PHF21B: variants seen among roughly 807,000 people sequenced by gnomAD.
PHF21B encodes PHD finger protein 4.
In PHF21B, 22 loss-of-function variants were observed where a neutral mutation model predicts 62.2. The ratio of observed to expected loss-of-function variants is 0.35; its 90% CI spans 0.25 to 0.51. PHF21B has a LOEUF of 0.51. Among genes scored for constraint, PHF21B ranks in the 20% least tolerant of loss-of-function variants. The pLI is 0.97. For synonymous variants in PHF21B, 341 were observed against 314.7 expected (o/e 1.08, Z -0.88); for missense variants, 701 against 707.9 (o/e 0.99, Z 0.11).
rs117237712 is a variant in PHF21B, at chr22:45,005,512, A to G, written c.120+3033T>C. On this transcript the variant is annotated intron_variant, in intron 2 of 12. Coordinates refer to ENST00000313237, the MANE Select transcript of PHF21B (RefSeq NM_138415.5). ...ATATCTCTATCTACCCTGACCAATA[A>G]GCTATCTACCACTATGAGTCCTTTA... 2.0e-3 allele frequency among the ~76,000 whole-genome samples: 310 copies of G among 152,324 alleles called. 1 individual carries two copies. Among genetic ancestry groups the G allele is most frequent in the Non-Finnish European group, 3.8e-3 (256 of 68,030 alleles).
intron 1 of PHF21B, 153 bp from the exon 2 acceptor site, chr22:45,008,763 C>T (rs2073373194): frequency 8.7e-7 from 1 of 1,149,066 alleles, no homozygotes; most frequent in Middle Eastern, 3.6e-4. Context: ...GCACGCGCGG[C>T]GGCCGGGCAG....
intron 2 of PHF21B, among the ~76,000 whole-genome samples, chr22:44,957,300 T>C (rs372579023): frequency 1.3e-5 from 2 of 152,182 alleles, no homozygotes; most frequent in African/African-American, 4.8e-5. Flanking sequence ...CTGGAAAAAG[T>C]TGTTTCGGTT....
intron 2 of PHF21B, among the ~76,000 whole-genome samples, chr22:44,982,897 C>G (rs1198477534): frequency 3.4e-5 from 1 of 29,330 alleles, no homozygotes; most frequent in Non-Finnish European, 7.4e-5. Context: ...AGTTCAAAGC[C>G]AGCAGAGATT....
At chr22:44,933,551 C>T (rs1018825844) in intron 2 of PHF21B, 14 of 985,074 alleles carry the variant, frequency 1.4e-5, no homozygotes, top group African/African-American at 7.0e-5. Flanking sequence ...AGCATCAGAA[C>T]GTGCTGCCCG....
At chr22:44,918,728 T>C (rs1404228943) in intron 3 of PHF21B, among the ~76,000 whole-genome samples, 5 of 152,160 alleles carry the variant, frequency 3.3e-5, no homozygotes, top group Non-Finnish European at 7.4e-5. Flanking sequence ...GTGCAGACTT[T>C]TGTGGGGCAG....
At chr22:44,890,944 C>A (rs895981537) in intron 8 of PHF21B, among the ~76,000 whole-genome samples, 7 of 152,236 alleles carry the variant, frequency 4.6e-5, no homozygotes, top group African/African-American at 1.7e-4. Flanking sequence ...TGAGAGGCGC[C>A]AGCCCAGCCC....
At chr22:44,909,377 G>A (rs961859011) in intron 5 of PHF21B, among the ~76,000 whole-genome samples, 6 of 152,184 alleles carry the variant, frequency 3.9e-5, no homozygotes, top group East Asian at 1.9e-4. Context: ...GCTGCCAGCC[G>A]AGCCAGGGCC....
chr22:44,926,574 G>C (rs1046703115), intron 2 of PHF21B, among the ~76,000 whole-genome samples: 34 of 152,358 alleles, frequency 2.2e-4, no homozygotes, highest in African/African-American at 8.2e-4. Context: ...CTGGAGGGTT[G>C]CTGTGTGAAG....
chr22:44,977,635 G>T (rs189002564), intron 2 of PHF21B, among the ~76,000 whole-genome samples: 145 of 152,014 alleles, frequency 9.5e-4, no homozygotes, highest in Admixed American at 9.4e-3. Flanking sequence ...CTGGAGTGCA[G>T]TGGCATAATC....
At chr22:44,909,446 G>A (rs776206452) in intron 5 of PHF21B, among the ~76,000 whole-genome samples, 17 of 152,222 alleles carry the variant, frequency 1.1e-4, no homozygotes, top group East Asian at 7.7e-4. Flanking sequence ...TTCTTGAGAC[G>A]ATTAGGCCCA....
chr22:45,008,466 G>C (rs1249567237), intron 2 of PHF21B, 79 bp downstream of exon 2: 1 of 1,365,430 alleles, frequency 7.3e-7, no homozygotes. Context: ...CGCCCAGGCT[G>C]GCACTTTTTA....
At chr22:44,977,807 G>C (rs1030735017) in intron 2 of PHF21B, among the ~76,000 whole-genome samples, 5 of 143,812 alleles carry the variant, frequency 3.5e-5, no homozygotes, top group African/African-American at 1.3e-4. Context: ...GGCTGATCTC[G>C]AACTCCTGGC....
chr22:44,945,814 C>T (rs186669107), intron 2 of PHF21B, among the ~76,000 whole-genome samples: 7 of 152,036 alleles, frequency 4.6e-5, no homozygotes, highest in African/African-American at 1.7e-4. Context: ...TCTGGGGCTC[C>T]AAAGGGGGCT....
At chr22:44,984,433 T>G (rs992421192) in intron 2 of PHF21B, among the ~76,000 whole-genome samples, 3 of 152,088 alleles carry the variant, frequency 2.0e-5, no homozygotes, top group Non-Finnish European at 4.4e-5. Flanking sequence ...CCGAATCTTG[T>G]GGGAAGCATG....
At chr22:44,977,896 G>C (rs1362158601) in intron 2 of PHF21B, among the ~76,000 whole-genome samples, 1 of 151,842 alleles carries the variant, frequency 6.6e-6, no homozygotes, top group Non-Finnish European at 1.5e-5. Context: ...TGCATGTTTT[G>C]AACTTTAATT....
chr22:44,984,670 C>A (rs2072915761), intron 2 of PHF21B, among the ~76,000 whole-genome samples: 1 of 152,170 alleles, frequency 6.6e-6, no homozygotes. Context: ...GTATTTCAAT[C>A]CTGCTCTGTA....
At chr22:44,893,221 G>A (rs1421992210) in intron 7 of PHF21B, among the ~76,000 whole-genome samples, 1 of 152,226 alleles carries the variant, frequency 6.6e-6, no homozygotes, top group African/African-American at 2.4e-5. Context: ...GCCCACCAGA[G>A]AGCCTCTATT....
chr22:44,885,279 C>T, intron 12 of PHF21B, 147 bp downstream of exon 12: 2 of 698,828 alleles, frequency 2.9e-6, no homozygotes, highest in Non-Finnish European at 4.6e-6. Flanking sequence ...GACACGCCTG[C>T]CTGTCCACCA....
intron 5 of PHF21B, among the ~76,000 whole-genome samples, chr22:44,898,218 T>C (rs978324673): frequency 1.3e-5 from 2 of 152,220 alleles, no homozygotes; most frequent in African/African-American, 2.4e-5. Context: ...CCTGGACAGC[T>C]TGAGGAGGAC....
Sources: gnomAD v4.1 joint callset for allele counts (sites outside exome capture counted in the v4.1 genomes callset) on GRCh38, gnomAD v4.1.1 for gene constraint, MANE v1.5 for transcripts, NCBI Gene and HGNC (gene_info 2026-07-23, HGNC 2026-07-21) for gene names.